RPS6KA2: variants seen among roughly 807,000 people sequenced by gnomAD.
RPS6KA2 encodes the protein ribosomal protein S6 kinase A2.
Under a neutral mutation model 91.8 loss-of-function variants are expected in RPS6KA2, and 42 were observed. The observed-to-expected ratio is 0.46, with a 90% CI of 0.36 to 0.59. The LOEUF is 0.59. Among genes scored for constraint, RPS6KA2 ranks in the 20% least tolerant of loss-of-function variants. The pLI, the probability that RPS6KA2 is intolerant of heterozygous loss-of-function variation, is 0.00. For synonymous variants in RPS6KA2, 414 were observed against 393.6 expected (o/e 1.05, Z -0.61); for missense variants, 798 against 978.5 (o/e 0.82, Z 2.46).
chr6:166,629,234 G>A (rs1283741687), upstream of RPS6KA2, among the ~76,000 whole-genome samples: 4 of 152,388 alleles, frequency 2.6e-5, no homozygotes, highest in Non-Finnish European at 5.9e-5. Flanking sequence ...GGAGACAGGA[G>A]TGCTGAATGC....
chr6:166,668,433 C>A (rs1399584233), intron 2 of RPS6KA2, among the ~76,000 whole-genome samples: 1 of 152,126 alleles, frequency 6.6e-6, no homozygotes, highest in East Asian at 1.9e-4. Context: ...GGCAGGGACT[C>A]GGCATCTGAA....
chr6:166,844,868 CAA>C (rs926780764), intron 2 of RPS6KA2, among the ~76,000 whole-genome samples: 35 of 132,910 alleles, frequency 2.6e-4, no homozygotes, highest in African/African-American at 8.8e-4. Context: ...ACAACAACAA[CAA>C]AAAAAACAAA....
At chr6:166,503,577 T>C (rs1782095528) in intron 6 of RPS6KA2, among the ~76,000 whole-genome samples, 1 of 152,048 alleles carries the variant, frequency 6.6e-6, no homozygotes, top group Admixed American at 6.6e-5. Context: ...TGATGCCTCA[T>C]CTAGGGGCGG....
At chr6:166,596,056 A>G (rs553668993) in intron 1 of RPS6KA2, among the ~76,000 whole-genome samples, 2 of 152,328 alleles carry the variant, frequency 1.3e-5, no homozygotes, top group African/African-American at 4.8e-5. Context: ...AAGGCTTTCA[A>G]TGGGTTTAAA....
chr6:166,429,220 C>T (rs903129473), intron 16 of RPS6KA2, among the ~76,000 whole-genome samples: 6 of 138,568 alleles, frequency 4.3e-5, no homozygotes, highest in Admixed American at 1.7e-4. Flanking sequence ...CTCACTCATA[C>T]GTGGGAATTG....
At chr6:166,668,538 G>C (rs772812935) in intron 2 of RPS6KA2, among the ~76,000 whole-genome samples, 1 of 152,176 alleles carries the variant, frequency 6.6e-6, no homozygotes, top group Non-Finnish European at 1.5e-5. Context: ...TGGAAGGCTG[G>C]AAAGGCAGAG....
intron 15 of RPS6KA2, 123 bp downstream of exon 15, chr6:166,432,278 G>C (rs1327925749): frequency 1.9e-5 from 13 of 675,652 alleles, no homozygotes; most frequent in Non-Finnish European, 3.5e-5. Context: ...GAGATATGTG[G>C]GTGGTGGAAA....
intron 2 of RPS6KA2, among the ~76,000 whole-genome samples, chr6:166,672,099 T>G (rs1482877204): frequency 6.6e-6 from 1 of 152,182 alleles, no homozygotes; most frequent in African/African-American, 2.4e-5. Flanking sequence ...TGTGTGTATA[T>G]TCTAAAGTCT....
intron 1 of RPS6KA2, among the ~76,000 whole-genome samples, chr6:166,558,151 A>AGG (rs767189539): frequency 3.0e-5 from 4 of 131,928 alleles, no homozygotes; most frequent in Non-Finnish European, 6.0e-5. Flanking sequence ...GTATGTGGGG[A>AGG]GAGAGAGAGA....
intron 11 of RPS6KA2, 63 bp downstream of exon 11, chr6:166,469,778 A>G (rs1025083231): frequency 4.9e-6 from 7 of 1,433,904 alleles, no homozygotes; most frequent in Non-Finnish European, 6.9e-6. Flanking sequence ...ACCAAGCCGT[A>G]TGTTCCCTCC....
chr6:166,513,986 T>C (rs1177936675), intron 3 of RPS6KA2, among the ~76,000 whole-genome samples: 1 of 152,246 alleles, frequency 6.6e-6, no homozygotes, highest in African/African-American at 2.4e-5. Context: ...TGTGAGTTCA[T>C]GTCTTAGTGA....
chr6:166,527,171 C>T (rs3799650), intron 3 of RPS6KA2, among the ~76,000 whole-genome samples: 29,735 of 152,118 alleles, frequency 0.2, 3,080 homozygotes, highest in African/African-American at 0.26. Flanking sequence ...CTCCTCCATT[C>T]CACTGTATTC....
Position 166,448,946 on chromosome 6 carries a change from G to A in RPS6KA2, c.1207-97C>T, listed in dbSNP as rs970602073. The stretch of plus-strand genomic sequence containing the variant: ...AGAATGTGGGGCGAAGAGAGGCACC[G>A]ACTGTGAACTGAGTGTGTGGAGGCC... On this transcript the variant is annotated intron_variant, in intron 13 of 20. Transcript: ENST00000265678. The surrounding 1 kb of genome is among the most constrained non-coding windows in gnomAD (Gnocchi z 4.7). 1.5e-5 allele frequency: 22 copies of A among 1,439,014 alleles called. No homozygotes were observed. Among genetic ancestry groups the A allele is most frequent in the African/African-American group, 4.2e-5 (3 of 71,660 alleles). The allele number at this position is 1,439,014 out of a possible 1,614,324, so 89.1% of individuals were successfully genotyped here.
At chr6:166,461,942 C>G (rs996734992) in intron 11 of RPS6KA2, among the ~76,000 whole-genome samples, 16 of 152,232 alleles carry the variant, frequency 1.1e-4, no homozygotes, top group African/African-American at 3.6e-4. Flanking sequence ...TTTGCCCCCA[C>G]TGGGACATTT....
intron 2 of RPS6KA2, among the ~76,000 whole-genome samples, chr6:166,790,780 G>A (rs897475801): frequency 6.6e-6 from 1 of 152,228 alleles, no homozygotes; most frequent in African/African-American, 2.4e-5. Context: ...ATAAGTGAAA[G>A]AGAAATAAAA....
intron 2 of RPS6KA2, among the ~76,000 whole-genome samples, chr6:166,645,676 C>T (rs1258092878): frequency 1.3e-5 from 2 of 152,214 alleles, no homozygotes; most frequent in Non-Finnish European, 2.9e-5. Context: ...CTCCAGGAAG[C>T]CTGGCCCCAG....
At chr6:166,574,290 AGTTTTT>A (rs1365780095) in intron 1 of RPS6KA2, among the ~76,000 whole-genome samples, 2 of 152,122 alleles carry the variant, frequency 1.3e-5, no homozygotes. Context: ...CCCAGTAGGT[AGTTTTT>A]AAGTTCACAT....
At chr6:166,783,684 C>T (rs1050328907) in intron 2 of RPS6KA2, among the ~76,000 whole-genome samples, 9 of 151,980 alleles carry the variant, frequency 5.9e-5, no homozygotes, top group Non-Finnish European at 1.3e-4. Context: ...ATGTGCACAC[C>T]TATCTGTAAC....
intron 2 of RPS6KA2, among the ~76,000 whole-genome samples, chr6:166,537,917 G>T (rs887834632): frequency 6.6e-6 from 1 of 152,230 alleles, no homozygotes; most frequent in Non-Finnish European, 1.5e-5. Flanking sequence ...AGTAAGTCAC[G>T]TGTCATCATA....
Sources: allele counts gnomAD v4.1 joint callset (sites outside exome capture counted in the v4.1 genomes callset), GRCh38; gene constraint gnomAD v4.1.1; non-coding constraint Gnocchi (gnomAD v3.1); transcripts MANE v1.5; gene names NCBI Gene and HGNC (gene_info 2026-07-23, HGNC 2026-07-21).